Variants in WWTR1 observed in about 807,000 individuals in gnomAD.
The protein encoded by WWTR1 is WW domain containing transcription regulator 1.
WWTR1 carries 13 observed loss-of-function variants against 40.1 expected under a neutral mutation model. The observed-to-expected ratio is 0.32, with a 90% confidence interval of 0.21 to 0.52. The LOEUF is 0.52. Ranked by LOEUF, WWTR1 falls within the 20% of genes least tolerant of loss-of-function variation. The pLI is 0.97. For synonymous variants in WWTR1, 230 were observed against 210.1 expected (o/e 1.09, Z -0.82); for missense variants, 436 against 523.1 (o/e 0.83, Z 1.63).
At chr3:149,537,768 C>T (rs188479730) in intron 4 of WWTR1, among the ~76,000 whole-genome samples, 2 of 152,234 alleles carry the variant, frequency 1.3e-5, no homozygotes, top group Admixed American at 6.5e-5. Context: ...GGCAAGTGCT[C>T]ATCTCTTCTC....
intron 2 of WWTR1, among the ~76,000 whole-genome samples, chr3:149,630,079 C>T (rs983026163): frequency 6.6e-6 from 1 of 152,082 alleles, no homozygotes; most frequent in Non-Finnish European, 1.5e-5. Flanking sequence ...CTCCTGGGCT[C>T]AAGCAATCCT....
intron 6 of WWTR1, among the ~76,000 whole-genome samples, chr3:149,523,411 G>C (rs943398894): frequency 2.0e-5 from 3 of 152,118 alleles, no homozygotes; most frequent in African/African-American, 7.2e-5. Context: ...ACCACGCCCA[G>C]CTAATTTTGT....
chr3:149,632,912 G>A (rs1387508843), intron 2 of WWTR1, among the ~76,000 whole-genome samples: 1 of 152,246 alleles, frequency 6.6e-6, no homozygotes, highest in Non-Finnish European at 1.5e-5. Flanking sequence ...TGAGAATGTG[G>A]AGGAGAGGGG....
intron 1 of WWTR1, among the ~76,000 whole-genome samples, chr3:149,695,381 T>G (rs529973281): frequency 2.0e-5 from 3 of 152,212 alleles, no homozygotes; most frequent in Non-Finnish European, 4.4e-5. Context: ...ATGGGATTAT[T>G]GTTCATTGTA....
intron 4 of WWTR1, among the ~76,000 whole-genome samples, chr3:149,536,234 C>T (rs756695970): frequency 3.3e-5 from 5 of 152,098 alleles, no homozygotes; most frequent in Admixed American, 6.5e-5. Flanking sequence ...AATATATGAA[C>T]GAATGAACTT....
intron 2 of WWTR1, among the ~76,000 whole-genome samples, chr3:149,591,688 A>AT (rs1738731456): frequency 6.6e-6 from 1 of 152,186 alleles, no homozygotes; most frequent in African/African-American, 2.4e-5. Context: ...CACAAAAAAC[A>AT]TTTTTGCAAT....
intron 2 of WWTR1, among the ~76,000 whole-genome samples, chr3:149,645,025 G>A (rs1291823987): frequency 2.0e-5 from 3 of 151,682 alleles, no homozygotes; most frequent in Non-Finnish European, 2.9e-5. Flanking sequence ...ACTAATTTTT[G>A]TATTTTTAGT....
chr3:149,620,656 T>C (rs865782503), intron 2 of WWTR1, among the ~76,000 whole-genome samples: 1 of 152,100 alleles, frequency 6.6e-6, no homozygotes, highest in Non-Finnish European at 1.5e-5. Context: ...AGAGGATGTT[T>C]TTATAGCAGC....
chr3:149,572,776 G>A, intron 3 of WWTR1, 88 bp downstream of exon 3: 1 of 1,490,520 alleles, frequency 6.7e-7, no homozygotes, highest in Non-Finnish European at 9.0e-7. Context: ...GAGCCCACGA[G>A]TTCAACACCA....
chr3:149,710,577 C>CCG (rs1559847491), intron 5 of WWTR1, among the ~76,000 whole-genome samples: 1 of 82,568 alleles, frequency 1.2e-5, no homozygotes, highest in Non-Finnish European at 2.4e-5. Flanking sequence ...GCCTCCCCCC[C>CCG]CCCCCTTTTT....
intron 1 of WWTR1, among the ~76,000 whole-genome samples, chr3:149,675,077 C>A (rs1375970192): frequency 6.6e-6 from 1 of 152,200 alleles, no homozygotes; most frequent in Non-Finnish European, 1.5e-5. Context: ...TAGAAGGAAA[C>A]CAGAATCATA....
chr3:149,601,361 C>A (rs991496203), intron 2 of WWTR1, among the ~76,000 whole-genome samples: 3 of 152,034 alleles, frequency 2.0e-5, no homozygotes, highest in African/African-American at 4.8e-5. Context: ...CCATACCTGG[C>A]TAATTATTGT....
chr3:149,595,273 C>A (rs1738942961), intron 2 of WWTR1, among the ~76,000 whole-genome samples: 1 of 151,962 alleles, frequency 6.6e-6, no homozygotes, highest in East Asian at 1.9e-4. Context: ...CCTATAACTT[C>A]TTTTGGAAAA....
upstream of WWTR1, chr3:149,660,178 CAG>C (rs1289168409): frequency 1.3e-5 from 2 of 152,116 alleles, no homozygotes; most frequent in African/African-American, 2.4e-5. Context: ...GTTGCAACAA[CAG>C]GGGAAATAAG....
chr3:149,568,523 CAAAAAAAAAAAAAAAA>C lies in WWTR1; in HGVS notation c.568+4325_568+4340del, dbSNP rs34414853. The stretch of plus-strand genomic sequence containing the variant: ...GGAGATGGCTATTTGAATTAAAGTG[CAAAAAAAAAAAAAAAA>C]AAAAAAAAAAAAAAAAAAAAACCAT... On this transcript the variant is annotated intron_variant, in intron 3 of 6. Transcript: ENST00000360632. Among the ~76,000 whole-genome samples the C allele has an allele frequency of 3.5e-3, 227 of 64,812 alleles. 1 individual carries two copies. Among genetic ancestry groups the C allele is most frequent in the South Asian group, 0.011 (15 of 1,386 alleles). The allele number at this position is 64,812 out of a possible 152,430, so 42.5% of individuals were successfully genotyped here.
chr3:149,593,539 C>T (rs1223468745), intron 2 of WWTR1, among the ~76,000 whole-genome samples: 3 of 152,176 alleles, frequency 2.0e-5, no homozygotes, highest in African/African-American at 4.8e-5. Flanking sequence ...GATTCCACTT[C>T]GACACTGCTC....
intron 2 of WWTR1, among the ~76,000 whole-genome samples, chr3:149,601,923 TG>T (rs1347774030): frequency 6.6e-6 from 1 of 152,110 alleles, no homozygotes; most frequent in Admixed American, 6.6e-5. Flanking sequence ...GAGCAAAATG[TG>T]AGAGATGGGT....
chr3:149,658,776 G>A (rs1486835627), upstream of WWTR1: 1 of 152,376 alleles, frequency 6.6e-6, no homozygotes, highest in Non-Finnish European at 1.5e-5. Flanking sequence ...GGGTGACTCA[G>A]GCCACTAGAG....
At chr3:149,689,218 C>T (rs1714740962) in intron 1 of WWTR1, among the ~76,000 whole-genome samples, 1 of 151,622 alleles carries the variant, frequency 6.6e-6, no homozygotes, top group South Asian at 2.1e-4. Flanking sequence ...CCCATCTCTC[C>T]AAAACCACAA....
Sources: gnomAD v4.1 joint callset for allele counts (sites outside exome capture counted in the v4.1 genomes callset) on GRCh38, gnomAD v4.1.1 for gene constraint, MANE v1.5 for transcripts, NCBI Gene and HGNC (gene_info 2026-07-23, HGNC 2026-07-21) for gene names.